Variants in PGF observed in about 807,000 individuals in gnomAD.
The protein encoded by PGF is placenta growth factor.
Under a neutral mutation model 25.3 loss-of-function variants are expected in PGF, and 11 were observed. The ratio of observed to expected loss-of-function variants is 0.43; its 90% CI spans 0.27 to 0.72. The LOEUF is 0.72. Among genes scored for constraint, PGF ranks in the 30% least tolerant of loss-of-function variants. The pLI, the probability that PGF is intolerant of heterozygous loss-of-function variation, is 0.18. For missense variants in PGF, 230 were observed against 234.9 expected (o/e 0.98, Z 0.14); for synonymous variants, 105 against 97.9 (o/e 1.07, Z -0.43).
chr14:74,946,179 C>G (rs1377129826), intron 6 of PGF, 34 bp downstream of exon 6: 1 of 1,604,630 alleles, frequency 6.2e-7, no homozygotes, highest in Admixed American at 1.7e-5. Flanking sequence ...TCGGGCCCAG[C>G]CTCCTCGCCA....
At chr14:74,951,374 A>G (rs1010184945) in intron 2 of PGF, among the ~76,000 whole-genome samples, 1 of 152,126 alleles carries the variant, frequency 6.6e-6, no homozygotes, top group Non-Finnish European at 1.5e-5. Flanking sequence ...GTCAGAGAGC[A>G]CCTCCCTATC....
Position 74,953,167 on chromosome 14 carries a change from C to T in PGF, c.118+737G>A, listed in dbSNP as rs1399515423. ...AGCCCAGCAGAGGGTGTTCCCAGCA[C>T]GCAGATGGCTATCACGCGTGTGCGT... On this transcript the variant is annotated intron_variant, in intron 2 of 6. Coordinates refer to ENST00000555567, the MANE Select transcript of PGF (RefSeq NM_002632.6). The surrounding 1 kb of genome is among the most constrained non-coding windows in gnomAD (Gnocchi z 5.4). 6.6e-6 allele frequency among the ~76,000 whole-genome samples: 1 copy of T among 152,220 alleles called. No individual in the cohort carries two copies. Among genetic ancestry groups the T allele is most frequent in the Non-Finnish European group, 1.5e-5 (1 of 68,036 alleles).
intron 6 of PGF, among the ~76,000 whole-genome samples, chr14:74,944,109 CT>C (rs546450998): frequency 6.5e-4 from 73 of 112,484 alleles, no homozygotes; most frequent in East Asian, 1.9e-3. Flanking sequence ...TGTTAATTTT[CT>C]TTTTTTTTTT....
intron 3 of PGF, 126 bp from the exon 4 acceptor site, chr14:74,948,709 C>T (rs1372778925): frequency 3.6e-6 from 2 of 560,212 alleles, no homozygotes; most frequent in Admixed American, 3.3e-5. Context: ...CAGGCCCTCA[C>T]TCCACTCTGA....
In PGF at chr14:74,953,271, G is replaced by A. The variant is rs1888912926; in HGVS notation, c.118+633C>T. 6.6e-6 allele frequency among the ~76,000 whole-genome samples: 1 copy of A among 152,232 alleles called. No homozygotes were observed. The highest frequency in any genetic ancestry group is 2.4e-5 in the African/African-American group (1 of 41,466). The stretch of plus-strand genomic sequence containing the variant: ...GGTGTGTGGCCACTTTGCACGTCTT[G>A]GAGAGGCAGGGAGGGAGGAGCGAGG... On this transcript the variant is annotated intron_variant, in intron 2 of 6. Transcript: ENST00000555567. The surrounding 1 kb of genome is among the most constrained non-coding windows in gnomAD (Gnocchi z 5.4).
chr14:74,955,740 G>GC (rs1888978676), upstream of PGF: 1 of 152,076 alleles, frequency 6.6e-6, no homozygotes, highest in South Asian at 2.0e-4. The surrounding 1 kb of genome is among the most constrained non-coding windows in gnomAD (Gnocchi z 4.1). Flanking sequence ...AGCCCGCAGC[G>GC]CCGGAGCCCG....
At chr14:74,945,842 C>G in intron 6 of PGF, 1 of 237,544 alleles carries the variant, frequency 4.2e-6, no homozygotes, top group Admixed American at 4.8e-5. Context: ...AAGGTAAACA[C>G]TAATGTGCAG....
chr14:74,946,592 C>T (rs1888742723), intron 4 of PGF, 184 bp from the exon 5 acceptor site: 2 of 639,000 alleles, frequency 3.1e-6, no homozygotes, highest in South Asian at 3.7e-5. Context: ...GCTTCACTCC[C>T]ACTCCAGGCT....
rs561338724 is a variant in PGF at position 74,949,170 on chromosome 14, TG to T, written c.315+186del. On this transcript the variant is annotated intron_variant, in intron 3 of 6. Transcript: ENST00000555567. ...CTCAGCGTGAGGCTGAGAATGCTGG[TG>T]GGGGTGGAGATGAGTGGGCTCAGAG... 3.9e-5 allele frequency among the ~76,000 whole-genome samples: 6 copies of T among 152,088 alleles called. No homozygotes were observed. The East Asian group carries it at 1.2e-3, about 30-fold the overall frequency.
At chr14:74,944,248 A>G (rs7151910) in intron 6 of PGF, among the ~76,000 whole-genome samples, 4,075 of 151,682 alleles carry the variant, frequency 0.027, 137 homozygotes, top group African/African-American at 0.074. Context: ...GACTATAGGC[A>G]CCCACCACCA....
intron 6 of PGF, among the ~76,000 whole-genome samples, chr14:74,944,163 C>T (rs1029965405): frequency 1.4e-4 from 19 of 139,688 alleles, no homozygotes; most frequent in African/African-American, 1.7e-4. Flanking sequence ...AGTGCAGTGG[C>T]GTGATCTCGG....
chr14:74,944,337 T>G (rs1045210835), intron 6 of PGF, among the ~76,000 whole-genome samples: 1 of 151,892 alleles, frequency 6.6e-6, no homozygotes, highest in East Asian at 1.9e-4. Context: ...CTCCTAACCT[T>G]GCGATCCGCC....
At chr14:74,946,811 G>A (rs1398181474) in intron 4 of PGF, 1 of 736,222 alleles carries the variant, frequency 1.4e-6, no homozygotes, top group Non-Finnish European at 2.5e-6. Context: ...TGGCCAGACA[G>A]CGGACTGGCT....
chr14:74,948,592 A>G lies in PGF; in HGVS notation c.316-9T>C, dbSNP rs777995227. The G allele has an allele frequency of 1.3e-6, 2 of 1,591,526 alleles. No homozygotes were observed. The highest frequency in any genetic ancestry group is 2.2e-5 in the South Asian group (2 of 89,796). On this transcript the variant is annotated splice_polypyrimidine_tract_variant and intron_variant, in intron 3 of 6. Transcript: ENST00000555567. Reference sequence around the variant, plus strand: ...GAACGGATCTTTAGGAGCTGAAGGAAGAAAGAGTTGATGCCTGGATTGGGG... The same window carrying G: ...GAACGGATCTTTAGGAGCTGAAGGAGGAAAGAGTTGATGCCTGGATTGGGG...
rs1379879348 is a variant in PGF at position 74,946,457 on chromosome 14, A to C, written c.393-49T>G. Reference sequence around the variant, plus strand: ...GGCAGAGGAACGTTAGGAAAGCAATAAGTGGGGCTCCCTGCCGCCCGGACA... The same window carrying C: ...GGCAGAGGAACGTTAGGAAAGCAATCAGTGGGGCTCCCTGCCGCCCGGACA... On this transcript the variant is annotated intron_variant, in intron 4 of 6. Transcript: ENST00000555567. 5.1e-6 allele frequency: 8 copies of C among 1,560,974 alleles called. No individual in the cohort carries two copies. In the Admixed American group the frequency reaches 1.5e-4, roughly 28 times the overall value.
intron 3 of PGF, 39 bp downstream of exon 3, chr14:74,949,318 G>T: frequency 7.0e-7 from 1 of 1,430,510 alleles, no homozygotes; most frequent in Non-Finnish European, 9.3e-7. Context: ...CCTTCTAGTG[G>T]GCAGATTCGG....
At chr14:74,951,474 T>G (rs1888870507) in intron 2 of PGF, among the ~76,000 whole-genome samples, 1 of 152,156 alleles carries the variant, frequency 6.6e-6, no homozygotes, top group Non-Finnish European at 1.5e-5. Context: ...AAAACATAAA[T>G]AACAGCAGAG....
intron 6 of PGF, among the ~76,000 whole-genome samples, chr14:74,943,452 A>G (rs1049415869): frequency 3.3e-5 from 5 of 152,264 alleles, no homozygotes; most frequent in Non-Finnish European, 7.3e-5. Context: ...CAGCTTAACC[A>G]AATTGTCAGC....
rs1888821644 is a variant in PGF at position 74,949,445 on chromosome 14, G to A, written c.227C>T (p.Ser76Phe). 2 of 1,612,816 alleles carry A rather than the reference G, an allele frequency of 1.2e-6. No homozygotes were observed. Among genetic ancestry groups the A allele is most frequent in the Non-Finnish European group, 8.5e-7 (1 of 1,179,596 alleles). The change falls in exon 3 of 7, where the codon TCC becomes TTC. Residue 76 changes from serine (S) to phenylalanine (F), a missense_variant. Ser to Phe is a radical substitution (Grantham distance 155, BLOSUM62 -2). Transcript: ENST00000555567. ...GGTGCAGCGCAGCAGGGAGACACAG[G>A]ATGGGCTGAACATGTGCTCCACCTC... Reference protein sequence around the residue: ...PSEVEHMFSPSCVSLLRCTGC... With the variant: ...PSEVEHMFSPFCVSLLRCTGC...
Sources: allele counts gnomAD v4.1 joint callset (sites outside exome capture counted in the v4.1 genomes callset), GRCh38; gene constraint gnomAD v4.1.1; non-coding constraint Gnocchi (gnomAD v3.1); transcripts MANE v1.5; gene names NCBI Gene and HGNC (gene_info 2026-07-23, HGNC 2026-07-21).